The following LGSN variants were observed in gnomAD, a reference collection of about 807,000 sequenced individuals.
LGSN encodes lengsin, lens protein with glutamine synthetase domain, also known as lengsin.
Under a neutral mutation model 19.5 loss-of-function variants are expected in LGSN, and 21 were observed. That is an observed-to-expected ratio of 1.07 (90% confidence interval 0.76 to 1.55). The LOEUF is 1.55. LGSN is among the 40% of genes most tolerant of loss of function. LGSN has a pLI of 0.00. For missense variants in LGSN, 673 were observed against 608.5 expected, an observed-to-expected ratio of 1.11 and a Z score of -1.12; for synonymous variants, 257 against 215.6, an observed-to-expected ratio of 1.19 and a Z score of -1.68.
chr6:63,352,426 G>A, the LGSN span, among the ~76,000 whole-genome samples: 4 of 152,126 alleles, frequency 2.6e-5, no homozygotes, highest in Non-Finnish European at 5.9e-5. Flanking sequence ...CACTTTGGGA[G>A]GCTGAGGCAG....
chr6:63,363,062 A>C, the LGSN span, among the ~76,000 whole-genome samples: 19,863 of 152,230 alleles, frequency 0.13, 2,867 homozygotes, highest in African/African-American at 0.36. Context: ...GCAGCCTCTG[A>C]TAGTGATACC....
At chr6:63,480,445 T>C in the LGSN span, 1 of 178,774 alleles carries the variant, frequency 5.6e-6, no homozygotes, top group Non-Finnish European at 1.2e-5. Context: ...TTTATCTATT[T>C]GGATTTGATA....
At chr6:63,504,433 G>T in the LGSN span, among the ~76,000 whole-genome samples, 1 of 152,060 alleles carries the variant, frequency 6.6e-6, no homozygotes, top group Non-Finnish European at 1.5e-5. Context: ...GTAGAGACAG[G>T]ATTTCACAGT....
chr6:63,458,955 C>T, the LGSN span, among the ~76,000 whole-genome samples: 1 of 152,122 alleles, frequency 6.6e-6, no homozygotes, highest in Non-Finnish European at 1.5e-5. Flanking sequence ...TGTAATAATG[C>T]TATGTGAAAC....
At chr6:63,538,703 C>T in the LGSN span, among the ~76,000 whole-genome samples, 2 of 151,968 alleles carry the variant, frequency 1.3e-5, no homozygotes, top group East Asian at 3.9e-4. Flanking sequence ...TACAATAGTT[C>T]AAAACATTTA....
At chr6:63,346,827 G>A in the LGSN span, among the ~76,000 whole-genome samples, 1 of 152,114 alleles carries the variant, frequency 6.6e-6, no homozygotes, top group Non-Finnish European at 1.5e-5. Context: ...GAGAGAAGCT[G>A]GAGATTGAGT....
At chr6:63,464,755 G>A in the LGSN span, among the ~76,000 whole-genome samples, 40 of 151,780 alleles carry the variant, frequency 2.6e-4, no homozygotes, top group South Asian at 5.6e-3. Flanking sequence ...GGCCAAACGC[G>A]GTGGCTCATG....
At chr6:63,398,324 C>T in the LGSN span, among the ~76,000 whole-genome samples, 2 of 151,566 alleles carry the variant, frequency 1.3e-5, no homozygotes, top group African/African-American at 2.4e-5. Context: ...TGTGTTATTG[C>T]CCCTGAAGAT....
At chr6:63,302,473 A>G (rs1768219371) in intron 1 of LGSN, among the ~76,000 whole-genome samples, 1 of 152,252 alleles carries the variant, frequency 6.6e-6, no homozygotes. Flanking sequence ...TGATAACTCT[A>G]GAATGATATA....
chr6:63,496,257 A>G, the LGSN span, among the ~76,000 whole-genome samples: 14 of 152,296 alleles, frequency 9.2e-5, no homozygotes, highest in East Asian at 2.5e-3. Flanking sequence ...TATTTAACTC[A>G]TATTGTTCTG....
the LGSN span, among the ~76,000 whole-genome samples, chr6:63,514,515 C>G: frequency 6.6e-6 from 1 of 152,232 alleles, no homozygotes; most frequent in Non-Finnish European, 1.5e-5. Flanking sequence ...GCATGAGCCA[C>G]CGCACCCAGC....
the LGSN span, among the ~76,000 whole-genome samples, chr6:63,387,807 G>A: frequency 7.3e-5 from 11 of 151,108 alleles, no homozygotes; most frequent in Admixed American, 4.0e-4. Context: ...CGACCTCAGC[G>A]TCCTGAGTAG....
the LGSN span, among the ~76,000 whole-genome samples, chr6:63,335,801 A>G: frequency 6.6e-6 from 1 of 152,234 alleles, no homozygotes; most frequent in East Asian, 1.9e-4. Context: ...CGTACAATTC[A>G]GCCATCCCAC....
the LGSN span, among the ~76,000 whole-genome samples, chr6:63,378,713 A>G: frequency 6.6e-6 from 1 of 152,036 alleles, no homozygotes; most frequent in African/African-American, 2.4e-5. Flanking sequence ...ACTCTTTGGG[A>G]ACTAATAAGA....
the LGSN span, among the ~76,000 whole-genome samples, chr6:63,519,356 T>G: frequency 2.6e-5 from 4 of 152,002 alleles, no homozygotes; most frequent in African/African-American, 7.2e-5. Context: ...ACAGTTTCAG[T>G]GCTAAATGAG....
At chr6:63,509,996 T>A in the LGSN span, among the ~76,000 whole-genome samples, 1 of 152,224 alleles carries the variant, frequency 6.6e-6, no homozygotes, top group African/African-American at 2.4e-5. Context: ...TTAAGGACTA[T>A]CACAAATGAA....
intron 3 of LGSN, 41 bp from the exon 4 acceptor site, chr6:63,281,261 A>C: frequency 1.4e-6 from 2 of 1,398,872 alleles, no homozygotes; most frequent in Non-Finnish European, 9.3e-7. Flanking sequence ...TTTTGAAAAC[A>C]AACAAAAGGG....
At chr6:63,478,367 G>A in the LGSN span, among the ~76,000 whole-genome samples, 14 of 152,246 alleles carry the variant, frequency 9.2e-5, no homozygotes, top group East Asian at 1.9e-3. Flanking sequence ...AGCACAGTGC[G>A]GAGTGACTGC....
chr6:63,527,511 A>G, the LGSN span, among the ~76,000 whole-genome samples: 1 of 152,176 alleles, frequency 6.6e-6, no homozygotes, highest in Non-Finnish European at 1.5e-5. Context: ...TATAAATAAT[A>G]TCTAATGTGC....
Sources: allele counts gnomAD v4.1 joint callset (sites outside exome capture counted in the v4.1 genomes callset), GRCh38; gene constraint gnomAD v4.1.1; transcripts MANE v1.5; gene names NCBI Gene and HGNC (gene_info 2026-07-23, HGNC 2026-07-21).